Variants in SKAP1 observed in about 807,000 individuals in gnomAD.
SKAP1 encodes the protein src kinase-associated phosphoprotein 1.
In SKAP1, 44 loss-of-function variants were observed where a neutral mutation model predicts 58.5. The ratio of observed to expected loss-of-function variants is 0.75; its 90% CI spans 0.59 to 0.97. The LOEUF is 0.97. Among genes scored for constraint, SKAP1 ranks in the 50% least tolerant of loss-of-function variants. The pLI is 0.00. For missense variants in SKAP1, 390 were observed against 435.2 expected (o/e 0.90, Z 0.92); for synonymous variants, 127 against 149.7 (o/e 0.85, Z 1.11).
intron 4 of SKAP1, among the ~76,000 whole-genome samples, chr17:48,283,246 CA>C (rs1781948651): frequency 6.6e-6 from 1 of 152,076 alleles, no homozygotes; most frequent in South Asian, 2.1e-4. Context: ...GACTATGATA[CA>C]GAGCTGGAGA....
intron 11 of SKAP1, among the ~76,000 whole-genome samples, chr17:48,139,397 G>C (rs1293593459): frequency 6.6e-6 from 1 of 151,782 alleles, no homozygotes; most frequent in Non-Finnish European, 1.5e-5. Context: ...TGGCCAGGCT[G>C]GTCTTGAGCT....
chr17:48,420,472 T>A (rs1237976241), intron 1 of SKAP1, among the ~76,000 whole-genome samples: 1 of 152,142 alleles, frequency 6.6e-6, no homozygotes, highest in Admixed American at 6.5e-5. Context: ...GGGAAAAAAA[T>A]ATATGTATTT....
At chr17:48,323,445 T>G (rs1481789788) in intron 4 of SKAP1, among the ~76,000 whole-genome samples, 1 of 152,070 alleles carries the variant, frequency 6.6e-6, no homozygotes, top group African/African-American at 2.4e-5. Context: ...ACTTAGATCA[T>G]TAGAAAGTTA....
At chr17:48,165,932 A>G (rs1296381024) in intron 10 of SKAP1, among the ~76,000 whole-genome samples, 1 of 152,226 alleles carries the variant, frequency 6.6e-6, no homozygotes, top group East Asian at 1.9e-4. Context: ...AATGAAAAAC[A>G]AAAGAATAAA....
chr17:48,266,845 T>C (rs544748323), intron 4 of SKAP1, among the ~76,000 whole-genome samples: 1 of 152,276 alleles, frequency 6.6e-6, no homozygotes, highest in Admixed American at 6.5e-5. Context: ...TTTCTCTTTT[T>C]TGAAATTTAA....
intron 2 of SKAP1, among the ~76,000 whole-genome samples, chr17:48,378,885 A>C (rs1453894637): frequency 1.3e-5 from 2 of 152,198 alleles, no homozygotes; most frequent in Non-Finnish European, 2.9e-5. Flanking sequence ...AGACTCATTC[A>C]GTATAAGAGA....
At position 48,383,350 on chromosome 17, in the gene SKAP1, C is replaced by T. The variant is rs2067240402; in HGVS notation, c.152+13330G>A. Among the ~76,000 whole-genome samples the T allele has an allele frequency of 2.6e-5, 4 of 152,080 alleles. 1 individual carries two copies. In the South Asian group the frequency reaches 8.3e-4, roughly 32 times the overall value. On this transcript the variant is annotated intron_variant, in intron 2 of 12. Coordinates refer to ENST00000336915, the MANE Select transcript of SKAP1 (RefSeq NM_003726.4). ...ATGAAGGATTCATCCTGTGTCAGTTCAGTGCAGCTCAAAGGGATAACATCT... is the reference window on the plus strand; with the variant it reads ...ATGAAGGATTCATCCTGTGTCAGTTTAGTGCAGCTCAAAGGGATAACATCT...
At chr17:48,326,724 G>C (rs2066441727) in intron 4 of SKAP1, among the ~76,000 whole-genome samples, 1 of 152,070 alleles carries the variant, frequency 6.6e-6, no homozygotes, top group Non-Finnish European at 1.5e-5. Context: ...GGTTTTTCTA[G>C]ATTATTCCCC....
intron 4 of SKAP1, among the ~76,000 whole-genome samples, chr17:48,263,933 G>C (rs2065511934): frequency 6.6e-6 from 1 of 152,144 alleles, no homozygotes; most frequent in Non-Finnish European, 1.5e-5. Flanking sequence ...GCAAACGAGA[G>C]TGTCTGAAAG....
intron 1 of SKAP1, among the ~76,000 whole-genome samples, chr17:48,424,204 G>A (rs1218945304): frequency 6.6e-6 from 1 of 150,382 alleles, no homozygotes; most frequent in African/African-American, 2.4e-5. Context: ...AAGGAGTAAG[G>A]CAGTTTTCTG....
chr17:48,226,148 C>T (rs1299242467), intron 4 of SKAP1, among the ~76,000 whole-genome samples: 2 of 152,176 alleles, frequency 1.3e-5, no homozygotes, highest in Non-Finnish European at 2.9e-5. Context: ...GGATGTTCCC[C>T]TACTGTCCCC....
chr17:48,214,500 T>C (rs2064912471), intron 4 of SKAP1, among the ~76,000 whole-genome samples: 1 of 152,182 alleles, frequency 6.6e-6, no homozygotes, highest in Non-Finnish European at 1.5e-5. Flanking sequence ...TCTCAAACTC[T>C]TGGGTTCAAG....
At chr17:48,225,504 T>C (rs935486813) in intron 4 of SKAP1, among the ~76,000 whole-genome samples, 2 of 152,202 alleles carry the variant, frequency 1.3e-5, no homozygotes, top group Non-Finnish European at 2.9e-5. Flanking sequence ...AAAAGGATCT[T>C]ATAAATAGAA....
At chr17:48,377,232 A>G (rs1474838696) in intron 2 of SKAP1, 1 of 152,254 alleles carries the variant, frequency 6.6e-6, no homozygotes, top group Non-Finnish European at 1.5e-5. Flanking sequence ...AGCATGTGAA[A>G]TAACTACCAG....
chr17:48,136,358 A>G (rs1267231121), intron 12 of SKAP1: 1 of 152,186 alleles, frequency 6.6e-6, no homozygotes, highest in Admixed American at 6.6e-5. Flanking sequence ...TTTTTAATAG[A>G]GATGGGATTT....
At chr17:48,322,153 G>A (rs9916477) in intron 4 of SKAP1, among the ~76,000 whole-genome samples, 1,920 of 152,256 alleles carry the variant, frequency 0.013, 35 homozygotes, top group African/African-American at 0.043. Context: ...TCCCATTCAA[G>A]ATGGATTTTA....
At chr17:48,380,112 T>C (rs1395099440) in intron 2 of SKAP1, 2 of 152,268 alleles carry the variant, frequency 1.3e-5, no homozygotes, top group Non-Finnish European at 2.9e-5. Flanking sequence ...ACCAGCTCTG[T>C]GGCTATATCA....
At chr17:48,439,969 A>C in the SKAP1 span, among the ~76,000 whole-genome samples, 1 of 152,128 alleles carries the variant, frequency 6.6e-6, no homozygotes, top group Non-Finnish European at 1.5e-5. Context: ...CCTGTTAGAG[A>C]CAGGTGGGCC....
intron 2 of SKAP1, among the ~76,000 whole-genome samples, chr17:48,370,752 T>A (rs2067073590): frequency 1.3e-5 from 2 of 152,160 alleles, no homozygotes; most frequent in Admixed American, 6.5e-5. Flanking sequence ...AGAACTACCA[T>A]TCAACCCCGT....
Sources: gnomAD v4.1 joint callset for allele counts (sites outside exome capture counted in the v4.1 genomes callset) on GRCh38, gnomAD v4.1.1 for gene constraint, MANE v1.5 for transcripts, NCBI Gene and HGNC (gene_info 2026-07-23, HGNC 2026-07-21) for gene names.